ST3GAL4: variants seen among roughly 807,000 people sequenced by gnomAD.
The protein encoded by ST3GAL4 is ST3 beta-galactoside alpha-2,3-sialyltransferase 4.
A neutral mutation model predicts 42.6 loss-of-function variants in ST3GAL4; 24 were observed. The observed-to-expected ratio is 0.56, with a 90% confidence interval of 0.41 to 0.79. The LOEUF (loss-of-function observed/expected upper bound fraction) is 0.79, where lower values mean the gene tolerates loss of function less well. ST3GAL4 is among the 30% of genes least tolerant of loss of function. The pLI is 0.00. For missense variants in ST3GAL4, 311 were observed against 430.8 expected (o/e 0.72, Z 2.46); for synonymous variants, 135 against 163.2 (o/e 0.83, Z 1.32).
chr11:126,407,198 T>C, intron 4 of ST3GAL4, 54 bp from the exon 5 acceptor site: 1 of 1,590,466 alleles, frequency 6.3e-7, no homozygotes, highest in Non-Finnish European at 8.6e-7. Flanking sequence ...ACCCTACTTC[T>C]GGCATCAAGA....
intron 6 of ST3GAL4, among the ~76,000 whole-genome samples, chr11:126,407,854 C>T (rs117409684): frequency 0.033 from 4,954 of 152,038 alleles, 124 homozygotes; most frequent in Middle Eastern, 0.072. Flanking sequence ...ATTGATACAC[C>T]CCCCCATGCC....
rs555296994 is a variant in ST3GAL4, at chr11:126,384,607, G to A, written c.-60-21489G>A. The A allele has an allele frequency of 7.0e-5, 63 of 901,012 alleles. No homozygotes were observed. In the African/African-American group the frequency reaches 8.6e-4, roughly 12 times the overall value. The allele number at this position is 901,012 out of a possible 1,614,324, so 55.8% of individuals were successfully genotyped here. On this transcript the variant is annotated intron_variant, in intron 1 of 10. Coordinates refer to ENST00000444328, the MANE Select transcript of ST3GAL4 (RefSeq NM_001254757.2). The surrounding 1 kb of genome is among the most constrained non-coding windows in gnomAD (Gnocchi z 5.5). ...CCCTTCTGGGAAGGCTGAATGGGGC[G>A]GAACTGGTCAGGGCCTGGCACCAAC...
Position 126,366,258 on chromosome 11 carries a change from G to A in ST3GAL4, c.-61+10416G>A, listed in dbSNP as rs1014204662. Among the ~76,000 whole-genome samples the A allele has an allele frequency of 4.4e-4, 67 of 152,270 alleles. 1 individual carries two copies. The highest frequency in any genetic ancestry group is 3.4e-3 in the Middle Eastern group (1 of 294). On this transcript the variant is annotated intron_variant, in intron 1 of 10. Coordinates refer to ENST00000444328, the MANE Select transcript of ST3GAL4 (RefSeq NM_001254757.2). The surrounding 1 kb of genome is among the most constrained non-coding windows in gnomAD (Gnocchi z 4.2). ...AAGCAGCAGCAGCTGCTGTAGCTGA[G>A]CCCGGCCCACGGCCAGCCCTGAGGA... is the stretch of plus-strand genomic sequence containing the variant.
chr11:126,370,665 C>T (rs992582092), intron 1 of ST3GAL4, among the ~76,000 whole-genome samples: 3 of 151,596 alleles, frequency 2.0e-5, no homozygotes, highest in African/African-American at 7.3e-5. Flanking sequence ...TATATTTCTT[C>T]AATCTCCATT....
At position 126,369,835 on chromosome 11, in the gene ST3GAL4, C is replaced by T. The variant is rs574343337; in HGVS notation, c.-61+13993C>T. ...GAGAGGCAATAGCCTTGTTTTGCAT[C>T]CTTCTGAGTACTCTATTCACATAAG... On this transcript the variant is annotated intron_variant, in intron 1 of 10. Coordinates refer to ENST00000444328, the MANE Select transcript of ST3GAL4 (RefSeq NM_001254757.2). Among the ~76,000 whole-genome samples the T allele has an allele frequency of 2.6e-5, 4 of 152,270 alleles. No individual in the cohort carries two copies. The South Asian group carries it at 6.2e-4, about 24-fold the overall frequency.
chr11:126,399,810 T>C (rs1382119460), intron 1 of ST3GAL4, among the ~76,000 whole-genome samples: 1 of 152,208 alleles, frequency 6.6e-6, no homozygotes, highest in Non-Finnish European at 1.5e-5. Flanking sequence ...TCTTTGCTGC[T>C]TTGTAACAAG....
chr11:126,390,017 CAA>C (rs57306343), intron 1 of ST3GAL4, among the ~76,000 whole-genome samples: 9 of 114,576 alleles, frequency 7.9e-5, no homozygotes, highest in East Asian at 2.7e-4. Context: ...GCTAAAAATA[CAA>C]AAAAAAAAAA....
chr11:126,399,154 T>C (rs1953899468), intron 1 of ST3GAL4, among the ~76,000 whole-genome samples: 1 of 152,160 alleles, frequency 6.6e-6, no homozygotes, highest in South Asian at 2.1e-4. Context: ...AATATTCTTA[T>C]TAAACTATCA....
At chr11:126,367,760 C>T (rs1176880283) in intron 1 of ST3GAL4, among the ~76,000 whole-genome samples, 1 of 152,144 alleles carries the variant, frequency 6.6e-6, no homozygotes, top group African/African-American at 2.4e-5. Flanking sequence ...GATCTTGGGA[C>T]CCTTAATGTA....
Position 126,384,246 on chromosome 11 carries a change from A to G in ST3GAL4, c.-60-21850A>G, listed in dbSNP as rs552013670. Among the ~76,000 whole-genome samples the G allele has an allele frequency of 6.6e-6, 1 of 152,278 alleles. No homozygotes were observed. The highest frequency in any genetic ancestry group is 1.9e-4 in the East Asian group (1 of 5,168). On this transcript the variant is annotated intron_variant, in intron 1 of 10. Transcript: ENST00000444328. The surrounding 1 kb of genome is among the most constrained non-coding windows in gnomAD (Gnocchi z 5.5). ...TGTTCTGGTGATGGGAGGTGGGAGT[A>G]CAAGGTCTGCCGAGTGAGGCAGAGG... is the stretch of plus-strand genomic sequence containing the variant.
chr11:126,390,637 T>A (rs1474325043), intron 1 of ST3GAL4, among the ~76,000 whole-genome samples: 1 of 133,758 alleles, frequency 7.5e-6, no homozygotes, highest in Non-Finnish European at 1.7e-5. Context: ...TTTTTTTTTT[T>A]ATTTCTTTGA....
chr11:126,413,558 G>C lies in ST3GAL4; in HGVS notation c.825G>C (p.Leu275Phe). 1.9e-6 allele frequency: 3 copies of C among 1,614,250 alleles called. No homozygotes were observed. Among genetic ancestry groups the C allele is most frequent in the South Asian group, 2.2e-5 (2 of 91,090 alleles). ...CGCTGGCCCTCCACCTCTGTGACTT[G>C]GTGCACATTGCCGGCTTTGGCTACC... Reference protein sequence around the residue: ...AITLALHLCDLVHIAGFGYPD... With the variant: ...AITLALHLCDFVHIAGFGYPD... The change falls in exon 10 of 11, where the codon TTG (leucine) becomes TTC (phenylalanine). Residue 275 changes from leucine to phenylalanine, a missense_variant. Coordinates refer to ENST00000444328, the MANE Select transcript of ST3GAL4 (RefSeq NM_001254757.2).
intron 1 of ST3GAL4, among the ~76,000 whole-genome samples, chr11:126,395,817 A>C (rs1249344982): frequency 6.6e-6 from 1 of 151,978 alleles, no homozygotes; most frequent in Non-Finnish European, 1.5e-5. Context: ...CTTTTTCTTT[A>C]TTAATTTCCC....
Position 126,393,004 on chromosome 11 carries a change from G to A in ST3GAL4, c.-60-13092G>A, listed in dbSNP as rs1442116435. Among the ~76,000 whole-genome samples, 1 of 148,116 alleles carries A rather than the reference G, an allele frequency of 6.8e-6. No homozygotes were observed. Among genetic ancestry groups the A allele is most frequent in the Admixed American group, 6.8e-5 (1 of 14,742 alleles). On this transcript the variant is annotated intron_variant, in intron 1 of 10. Coordinates refer to ENST00000444328, the MANE Select transcript of ST3GAL4 (RefSeq NM_001254757.2). The surrounding 1 kb of genome is among the most constrained non-coding windows in gnomAD (Gnocchi z 5.9). ...GAGACAGGCTAGAGTGCAGGGGGAC[G>A]ATCATAGCTTACTGCAGCCTCGATC...
At chr11:126,358,213 C>A (rs1215029048) in intron 1 of ST3GAL4, among the ~76,000 whole-genome samples, 1 of 152,244 alleles carries the variant, frequency 6.6e-6, no homozygotes, top group Non-Finnish European at 1.5e-5. Flanking sequence ...TCGCACTGGG[C>A]CGGCTGGACG....
At chr11:126,403,359 T>C in intron 1 of ST3GAL4, 5 of 985,374 alleles carry the variant, frequency 5.1e-6, no homozygotes, top group Non-Finnish European at 6.0e-6. Context: ...GCTGCTCACC[T>C]CTGACGCCAA....
intron 1 of ST3GAL4, among the ~76,000 whole-genome samples, chr11:126,403,984 A>G (rs1369310080): frequency 6.6e-6 from 1 of 152,214 alleles, no homozygotes; most frequent in African/African-American, 2.4e-5. Flanking sequence ...GCTTCAGCGA[A>G]TTCCAGTGCT....
chr11:126,357,403 T>G (rs1276174784), intron 1 of ST3GAL4, among the ~76,000 whole-genome samples: 1 of 152,170 alleles, frequency 6.6e-6, no homozygotes, highest in African/African-American at 2.4e-5. Flanking sequence ...AATTGCCAGC[T>G]TGGACTTTGG....
At chr11:126,387,032 G>C (rs377102359) in intron 1 of ST3GAL4, among the ~76,000 whole-genome samples, 2 of 152,192 alleles carry the variant, frequency 1.3e-5, no homozygotes, top group East Asian at 3.9e-4. Flanking sequence ...TGTGGCTGGT[G>C]CTCTGCCACT....
Sources: gnomAD v4.1 joint callset for allele counts (sites outside exome capture counted in the v4.1 genomes callset) on GRCh38, gnomAD v4.1.1 for gene constraint, Gnocchi (gnomAD v3.1) non-coding constraint, MANE v1.5 for transcripts, NCBI Gene and HGNC (gene_info 2026-07-23, HGNC 2026-07-21) for gene names.